NCAPD3: variants seen among roughly 807,000 people sequenced by gnomAD.
The protein encoded by NCAPD3 is non-SMC condensin II complex subunit D3.
In NCAPD3, 105 loss-of-function variants were observed where a neutral mutation model predicts 182.9. That is an observed-to-expected ratio of 0.57 (90% CI 0.49 to 0.68). NCAPD3 has a LOEUF of 0.68. Ranked by LOEUF, NCAPD3 falls within the 30% of genes least tolerant of loss-of-function variation. The probability of loss-of-function intolerance (pLI) is 0.00; values close to 1 mark genes in which losing one functional copy is unlikely to be tolerated. For synonymous variants in NCAPD3, 815 were observed against 679.9 expected, an observed-to-expected ratio of 1.20 and a Z score of -3.09; for missense variants, 1,944 against 1,837.0, an observed-to-expected ratio of 1.06 and a Z score of -1.07.
rs1206353199 is a variant in NCAPD3 at position 134,214,333 on chromosome 11, C to T, written c.382+2603G>A. On this transcript the variant is annotated intron_variant, in intron 3 of 34. Coordinates refer to ENST00000534548, the MANE Select transcript of NCAPD3 (RefSeq NM_015261.3). ...AACAACTCAGAGATGTAAGTAATGA[C>T]AAGAAAAATTTGAAAATCACTTTGG... Among the ~76,000 whole-genome samples the T allele has an allele frequency of 2.7e-5, 4 of 149,240 alleles. No individual in the cohort carries two copies. In the East Asian group the frequency reaches 5.8e-4, roughly 22 times the overall value.
chr11:134,194,618 CA>C, intron 14 of NCAPD3, 46 bp downstream of exon 14: 1 of 1,375,202 alleles, frequency 7.3e-7, no homozygotes, highest in South Asian at 1.3e-5. Flanking sequence ...TTTGCATTTC[CA>C]AGTTTTTAGT....
Position 134,151,787 on chromosome 11 carries a change from T to A in NCAPD3, c.*1157A>T, listed in dbSNP as rs1456044041. The A allele has an allele frequency of 6.6e-6, 1 of 152,194 alleles. No homozygotes were observed. Among genetic ancestry groups the A allele is most frequent in the African/African-American group, 2.4e-5 (1 of 41,436 alleles). The allele number at this position is 152,194 out of a possible 1,614,324, so 9.4% of individuals were successfully genotyped here. ...TCATTCTTTGTTATTTGCTCTTACG[T>A]TGGGTTTGTCTCTTCTTCCTAGCAT... On this transcript the variant is annotated 3_prime_UTR_variant, in exon 35 of 35. Coordinates refer to ENST00000534548, the MANE Select transcript of NCAPD3 (RefSeq NM_015261.3).
chr11:134,166,064 GCA>G (rs1333586232), intron 27 of NCAPD3, among the ~76,000 whole-genome samples: 1 of 84,754 alleles, frequency 1.2e-5, no homozygotes, highest in Admixed American at 1.0e-4. Flanking sequence ...GCTTGGGGGA[GCA>G]GCACACTCAC....
chr11:134,184,659 G>A lies in NCAPD3; in HGVS notation c.2429C>T (p.Ala810Val). 6.2e-6 allele frequency: 10 copies of A among 1,612,860 alleles called. No homozygotes were observed. Among genetic ancestry groups the A allele is most frequent in the Non-Finnish European group, 8.5e-6 (10 of 1,179,504 alleles). The stretch of plus-strand genomic sequence containing the variant: ...TACCTGCTCCTCTGCTGGTGTCTCT[G>A]CAGATGCTCTACAAAGCCTCTGCAA... The part of the protein sequence containing the change: ...DALQRLCRAS[A>V]ETPAEEQELL... Residue 810 changes from alanine (A) to valine (V), a missense_variant, in exon 19 of 35, where the codon GCA (alanine) becomes GTA (valine). Coordinates refer to ENST00000534548, the MANE Select transcript of NCAPD3 (RefSeq NM_015261.3).
At position 134,217,006 on chromosome 11, in the gene NCAPD3, ATTC is replaced by A. The variant is rs1378898084; in HGVS notation, c.309_311del (p.Lys103del). Reference sequence around the variant, plus strand: ...CATATTCTCGATACTGTACACTGACATTCTTCTTATGAACTATTTGAACAAAAT... The same window carrying A: ...CATATTCTCGATACTGTACACTGACATTCTTATGAACTATTTGAACAAAAT... On this transcript the variant is annotated inframe_deletion, in exon 3 of 35. Transcript: ENST00000534548. 3.1e-6 allele frequency: 5 copies of A among 1,614,076 alleles called. No individual in the cohort carries two copies. Among genetic ancestry groups the A allele is most frequent in the Non-Finnish European group, 4.2e-6 (5 of 1,179,986 alleles).
At chr11:134,184,514 C>T in intron 19 of NCAPD3, 123 bp downstream of exon 19, 1 of 654,984 alleles carries the variant, frequency 1.5e-6, no homozygotes, top group South Asian at 2.2e-5. Flanking sequence ...GCGGCAATAG[C>T]TGCGGGGGAC....
intron 16 of NCAPD3, among the ~76,000 whole-genome samples, chr11:134,188,127 CTG>C (rs1944449116): frequency 6.6e-6 from 1 of 152,198 alleles, no homozygotes; most frequent in South Asian, 2.1e-4. Flanking sequence ...AATCAGCACT[CTG>C]TGTCTAGCTA....
At chr11:134,158,564 G>A (rs1316803987) in intron 29 of NCAPD3, 69 bp from the exon 30 acceptor site, 22 of 1,480,872 alleles carry the variant, frequency 1.5e-5, no homozygotes, top group Non-Finnish European at 1.8e-5. Flanking sequence ...ATATATGATA[G>A]TTGTACATGG....
intron 7 of NCAPD3, among the ~76,000 whole-genome samples, chr11:134,207,785 G>A: frequency 6.9e-6 from 1 of 145,428 alleles, no homozygotes; most frequent in Admixed American, 6.9e-5. Context: ...TAGAGACACA[G>A]TAGACCTAAA....
intron 27 of NCAPD3, among the ~76,000 whole-genome samples, chr11:134,163,409 A>G (rs1943649131): frequency 6.6e-6 from 1 of 152,094 alleles, no homozygotes; most frequent in African/African-American, 2.4e-5. Context: ...TACTTAAGAA[A>G]GACTGCTGGG....
At chr11:134,219,111 CTT>C (rs1481555830) in intron 2 of NCAPD3, among the ~76,000 whole-genome samples, 1 of 152,212 alleles carries the variant, frequency 6.6e-6, no homozygotes, top group Non-Finnish European at 1.5e-5. Context: ...TTCCACCACA[CTT>C]TTTCTGTATG....
At chr11:134,187,154 ACTAACTT>A (rs1174641269) in intron 16 of NCAPD3, among the ~76,000 whole-genome samples, 1 of 151,912 alleles carries the variant, frequency 6.6e-6, no homozygotes, top group African/African-American at 2.4e-5. Context: ...GACCCAACAC[ACTAACTT>A]CTATCTTAGT....
intron 24 of NCAPD3, among the ~76,000 whole-genome samples, chr11:134,172,057 A>G (rs1211287461): frequency 6.6e-6 from 1 of 152,134 alleles, no homozygotes; most frequent in African/African-American, 2.4e-5. Flanking sequence ...TGTGTTGCCA[A>G]AAGTGTTCTG....
At chr11:134,162,581 T>C (rs536844092) in intron 27 of NCAPD3, among the ~76,000 whole-genome samples, 1 of 152,222 alleles carries the variant, frequency 6.6e-6, no homozygotes, top group Non-Finnish European at 1.5e-5. Flanking sequence ...TTAAAGTCAC[T>C]AGTGTATGTT....
rs60509037 is a variant in NCAPD3 at position 134,209,973 on chromosome 11, T to C, written c.567+297A>G. On this transcript the variant is annotated intron_variant, in intron 4 of 34. Coordinates refer to ENST00000534548, the MANE Select transcript of NCAPD3 (RefSeq NM_015261.3). ...CGGAAGGCTGCAGCAGGAGAATCAC[T>C]TGAACCCATGAGGTGGAGGTTGCAG... Among the ~76,000 whole-genome samples the C allele has an allele frequency of 0.077, 11,665 of 152,176 alleles. 1,551 individuals are homozygous for C. The highest frequency in any genetic ancestry group is 0.26 in the African/African-American group (10,951 of 41,478).
At chr11:134,157,907 G>A (rs1230412180) in intron 31 of NCAPD3, 21 bp downstream of exon 31, 1 of 1,606,110 alleles carries the variant, frequency 6.2e-7, no homozygotes, top group Non-Finnish European at 8.5e-7. Flanking sequence ...TACTGTGTCT[G>A]GCACCAAACA....
In NCAPD3 at chr11:134,204,769, T is replaced by C; in HGVS notation, c.1089+130A>G. ...AGGGGACCATCTAGTGAACATTAAA[T>C]AAAACCACTTTAAGTAACAATGCAC... On this transcript the variant is annotated intron_variant, in intron 9 of 34. Coordinates refer to ENST00000534548, the MANE Select transcript of NCAPD3 (RefSeq NM_015261.3). This position sits in a 1 kb window ranked among gnomAD's most constrained non-coding sequence, Gnocchi z 4.3. 2.8e-6 allele frequency: 2 copies of C among 711,662 alleles called. No homozygotes were observed. Among genetic ancestry groups the C allele is most frequent in the Non-Finnish European group, 4.5e-6 (2 of 446,228 alleles). The allele number at this position is 711,662 out of a possible 1,614,324, so 44.1% of individuals were successfully genotyped here. A position where few individuals can be genotyped will look rare whatever the true frequency, so the allele number is the denominator to read the frequency against.
At chr11:134,162,049 C>G (rs1565519968) in intron 27 of NCAPD3, among the ~76,000 whole-genome samples, 158 bp from the exon 28 acceptor site, 1 of 152,186 alleles carries the variant, frequency 6.6e-6, no homozygotes, top group Non-Finnish European at 1.5e-5. Context: ...CTGCTTTTCT[C>G]TGGGAGACTT....
intron 3 of NCAPD3, among the ~76,000 whole-genome samples, chr11:134,215,623 A>G (rs1217306918): frequency 6.6e-6 from 1 of 152,210 alleles, no homozygotes; most frequent in African/African-American, 2.4e-5. Context: ...ATTATAGAGC[A>G]TTATTGAAAC....
Sources: gnomAD v4.1 joint callset for allele counts (sites outside exome capture counted in the v4.1 genomes callset) on GRCh38, gnomAD v4.1.1 for gene constraint, Gnocchi (gnomAD v3.1) non-coding constraint, MANE v1.5 for transcripts, NCBI Gene and HGNC (gene_info 2026-07-23, HGNC 2026-07-21) for gene names.